The following MDN1 variants were observed in gnomAD, a reference collection of about 807,000 sequenced individuals.
The protein encoded by MDN1 is midasin AAA ATPase 1.
Under a neutral mutation model 669.2 loss-of-function variants are expected in MDN1, and 266 were observed. That is an observed-to-expected ratio of 0.40 (90% CI 0.36 to 0.44). The LOEUF is 0.44. Among genes scored for constraint, MDN1 ranks in the 20% least tolerant of loss-of-function variants. The pLI, the probability that MDN1 is intolerant of heterozygous loss-of-function variation, is 1.00. For synonymous variants in MDN1, 2,385 were observed against 2,457.1 expected, an observed-to-expected ratio of 0.97 and a Z score of 0.87; for missense variants, 5,940 against 6,754.0, an observed-to-expected ratio of 0.88 and a Z score of 4.22.
intron 8 of MDN1, among the ~76,000 whole-genome samples, chr6:89,786,833 G>A (rs996016925): frequency 1.3e-5 from 2 of 148,808 alleles, no homozygotes; most frequent in Admixed American, 6.9e-5. Flanking sequence ...GCTGAGGTAG[G>A]AGAATCGCTT....
chr6:89,654,368 C>T (rs1809099836), intron 92 of MDN1, 34 bp from the exon 93 acceptor site: 2 of 1,611,840 alleles, frequency 1.2e-6, no homozygotes, highest in Non-Finnish European at 1.7e-6. Context: ...ACATAAAAAT[C>T]CTAGGTCTTT....
chr6:89,692,429 C>T lies in MDN1; in HGVS notation c.10587+14G>A. ...AGGAGGAAGGGCAGGGCAGGCCTCC[C>T]AGAGATGGCTCACCTGACACACATG... On this transcript the variant is annotated intron_variant, in intron 63 of 101. Transcript: ENST00000369393. 6.3e-7 allele frequency: 1 copy of T among 1,593,152 alleles called. No individual in the cohort carries two copies. The highest frequency in any genetic ancestry group is 8.6e-7 in the Non-Finnish European group (1 of 1,169,138).
chr6:89,807,691 C>A (rs1461451673), intron 1 of MDN1, among the ~76,000 whole-genome samples: 1 of 152,100 alleles, frequency 6.6e-6, no homozygotes, highest in Non-Finnish European at 1.5e-5. Context: ...TCCTGTAATT[C>A]CAATTACACA....
intron 20 of MDN1, among the ~76,000 whole-genome samples, chr6:89,754,875 C>A (rs1817157507): frequency 6.6e-6 from 1 of 152,148 alleles, no homozygotes; most frequent in African/African-American, 2.4e-5. Context: ...CTTTATCTTG[C>A]CTCTTTGCTA....
At chr6:89,785,459 A>G (rs890160741) in intron 8 of MDN1, among the ~76,000 whole-genome samples, 1 of 152,252 alleles carries the variant, frequency 6.6e-6, no homozygotes, top group African/African-American at 2.4e-5. Flanking sequence ...AAGAGAAAGC[A>G]TAATCCAAGG....
intron 37 of MDN1, among the ~76,000 whole-genome samples, chr6:89,727,326 A>C (rs1172812673): frequency 2.0e-5 from 3 of 152,042 alleles, no homozygotes; most frequent in Non-Finnish European, 4.4e-5. Flanking sequence ...CCCCAAACTG[A>C]CCCAGCTCCA....
At chr6:89,789,100 G>A (rs111907053) in intron 7 of MDN1, among the ~76,000 whole-genome samples, 15,165 of 151,506 alleles carry the variant, frequency 0.1, 975 homozygotes, top group South Asian at 0.16. Flanking sequence ...CTCCAGCCGG[G>A]TCAACAGAGC....
chr6:89,756,158 C>T lies in MDN1; in HGVS notation c.2816+119G>A, dbSNP rs9451266. ...TTTACAAGAGAATCTAAATAATAAT[C>T]CTGCCATCAGTTTTCTCAAGTTAGA... On this transcript the variant is annotated intron_variant, in intron 20 of 101. Transcript: ENST00000369393. 271 of 513,956 alleles carry T rather than the reference C, an allele frequency of 5.3e-4. 1 individual carries two copies. The highest frequency in any genetic ancestry group is 4.8e-3 in the African/African-American group (244 of 50,902). 31.8% of individuals were successfully genotyped at this position (513,956 alleles called of 1,614,324 possible).
At position 89,668,166 on chromosome 6, in the gene MDN1, A is replaced by G; in HGVS notation, c.13957-15T>C. On this transcript the variant is annotated splice_polypyrimidine_tract_variant and intron_variant, in intron 83 of 101. Coordinates refer to ENST00000369393, the MANE Select transcript of MDN1 (RefSeq NM_014611.3). Reference sequence around the variant, plus strand: ...AAGCAAAATCCCTTAGAAAAAAGAAAAAGGAAGTGAACAATTAGGCACAAA... The same window carrying G: ...AAGCAAAATCCCTTAGAAAAAAGAAGAAGGAAGTGAACAATTAGGCACAAA... 9 of 1,613,538 alleles carry G rather than the reference A, an allele frequency of 5.6e-6. No homozygotes were observed. The highest frequency in any genetic ancestry group is 5.9e-6 in the Non-Finnish European group (7 of 1,179,846).
In MDN1 at chr6:89,730,721, C is replaced by T. The variant is rs548067809; in HGVS notation, c.5140+5G>A. ...GAAAATTCATTTTTTAAAAATCATT[C>T]TTACCCCTTGGTATAAAAAATGGAT... On this transcript the variant is annotated splice_donor_5th_base_variant and intron_variant, in intron 35 of 101. Coordinates refer to ENST00000369393, the MANE Select transcript of MDN1 (RefSeq NM_014611.3). 6.2e-7 allele frequency: 1 copy of T among 1,608,492 alleles called. No individual in the cohort carries two copies. The highest frequency in any genetic ancestry group is 8.5e-7 in the Non-Finnish European group (1 of 1,178,024).
chr6:89,644,172 C>T lies in MDN1; in HGVS notation c.16624G>A (p.Val5542Ile). 1 of 1,612,032 alleles carries T rather than the reference C, an allele frequency of 6.2e-7. No individual in the cohort carries two copies. The change falls in exon 102 of 102, where the codon GTA becomes ATA. Residue 5542 changes from valine (V) to isoleucine (I), a missense_variant. This residue lies in a region of MDN1 where 2,280 missense variants were observed against 2,576.3 expected (regional missense o/e 0.88). Transcript: ENST00000369393. ...SSRDSILDIK[V>I]PIFKGPGEMP... ...TCTCCAGGTCCTTTAAATATCGGTA[C>T]TTTAATGTCCAAGATAGAATCCTGT...
chr6:89,790,467 C>T, intron 5 of MDN1, 66 bp from the exon 6 acceptor site: 1 of 1,598,478 alleles, frequency 6.3e-7, no homozygotes, highest in Non-Finnish European at 8.5e-7. Context: ...AGTTAATTTC[C>T]ACAGTAAGCC....
Position 89,695,913 on chromosome 6 carries a change from G to T in MDN1, c.9463C>A (p.Arg3155=). Residue 3155 remains arginine (R), a synonymous_variant, in exon 61 of 102, where the codon CGG becomes AGG. Coordinates refer to ENST00000369393, the MANE Select transcript of MDN1 (RefSeq NM_014611.3). This position sits in a 1 kb window ranked among gnomAD's most constrained non-coding sequence, Gnocchi z 4.1. ...TCACAGTTCTGCATGTACTCCTGCCGCCGGGACTCTGGGAGCAGCTCTGCT... is the reference window on the plus strand; with the variant it reads ...TCACAGTTCTGCATGTACTCCTGCCTCCGGGACTCTGGGAGCAGCTCTGCT... ...GLAELLPESR[R]QEYMQNCEQL... 3 of 1,612,912 alleles carry T rather than the reference G, an allele frequency of 1.9e-6. No individual in the cohort carries two copies. Among genetic ancestry groups the T allele is most frequent in the South Asian group, 1.1e-5 (1 of 91,048 alleles).
chr6:89,716,896 T>C (rs1814412727), intron 43 of MDN1, 87 bp from the exon 44 acceptor site: 1 of 1,360,514 alleles, frequency 7.4e-7, no homozygotes, highest in East Asian at 2.5e-5. Context: ...TTGATACTTC[T>C]AGCCAAGGTT....
intron 78 of MDN1, 41 bp from the exon 79 acceptor site, chr6:89,674,630 C>T: frequency 3.3e-6 from 5 of 1,498,826 alleles, no homozygotes; most frequent in Non-Finnish European, 4.4e-6. Flanking sequence ...ATGAATGGCA[C>T]CTTAAACCAC....
At chr6:89,715,573 A>T in intron 45 of MDN1, 80 bp downstream of exon 45, 1 of 837,736 alleles carries the variant, frequency 1.2e-6, no homozygotes. Context: ...AATAAAATAT[A>T]TAAGGAAGTC....
At position 89,674,233 on chromosome 6, in the gene MDN1, A is replaced by G; in HGVS notation, c.13118T>C (p.Met4373Thr). 6.2e-7 allele frequency: 1 copy of G among 1,614,248 alleles called. No homozygotes were observed. Among genetic ancestry groups the G allele is most frequent in the Non-Finnish European group, 8.5e-7 (1 of 1,180,048 alleles). ...PGSQLPSGCR[M>T]RKQDHLWQQS... is the part of the protein sequence containing the mutation. ...TTGCCAAAGGTGATCCTGTTTCCGC[A>G]TCCGGCAACCAGAGGGCAGCTGACT... The change falls in exon 79 of 102, where the codon ATG (methionine) becomes ACG (threonine). Residue 4373 changes from methionine (M) to threonine (T), a missense_variant. Around this residue, in one of 5 missense-constraint regions of MDN1, gnomAD observed 2,280 missense variants for 2,576.3 expected, o/e 0.88. Transcript: ENST00000369393.
At chr6:89,780,572 C>A (rs145370506) in intron 10 of MDN1, among the ~76,000 whole-genome samples, 2 of 152,112 alleles carry the variant, frequency 1.3e-5, no homozygotes, top group Non-Finnish European at 2.9e-5. Flanking sequence ...TCTCTGCCAT[C>A]CATGCCAGAC....
chr6:89,806,254 AAAGT>A (rs1768011878), intron 1 of MDN1, among the ~76,000 whole-genome samples: 1 of 152,132 alleles, frequency 6.6e-6, no homozygotes, highest in South Asian at 2.1e-4. Context: ...TTTAAATAAT[AAAGT>A]AAGTTACATT....
Sources: gnomAD v4.1 joint callset for allele counts (sites outside exome capture counted in the v4.1 genomes callset) on GRCh38, gnomAD v4.1.1 for gene constraint, gnomAD v4.1.1 regional missense constraint, Gnocchi (gnomAD v3.1) non-coding constraint, MANE v1.5 for transcripts, NCBI Gene and HGNC (gene_info 2026-07-23, HGNC 2026-07-21) for gene names.